The following ASXL3 variants were observed in gnomAD, a reference collection of about 807,000 sequenced individuals.
ASXL3 encodes the protein putative Polycomb group protein ASXL3.
A neutral mutation model predicts 170.6 loss-of-function variants in ASXL3; 34 were observed. The observed-to-expected ratio is 0.20, with a 90% CI of 0.15 to 0.27. The LOEUF (loss-of-function observed/expected upper bound fraction) is 0.27. Ranked by LOEUF, ASXL3 falls within the 10% of genes least tolerant of loss-of-function variation. ASXL3 has a pLI of 1.00. For synonymous variants in ASXL3, 1,002 were observed against 989.1 expected, an observed-to-expected ratio of 1.01 and a Z score of -0.24; for missense variants, 2,592 against 2,695.3, an observed-to-expected ratio of 0.96 and a Z score of 0.85.
intron 2 of ASXL3, among the ~76,000 whole-genome samples, chr18:33,612,701 CAAT>C (rs1380268628): frequency 6.6e-6 from 1 of 151,992 alleles, no homozygotes; most frequent in Non-Finnish European, 1.5e-5. Context: ...TAGTGACAAA[CAAT>C]AAAATTTCTT....
chr18:33,662,829 GTTTT>G (rs938087361), intron 5 of ASXL3, among the ~76,000 whole-genome samples: 1 of 152,056 alleles, frequency 6.6e-6, no homozygotes, highest in East Asian at 1.9e-4. Flanking sequence ...CTAAAATAGA[GTTTT>G]TTTAAGTTCC....
At chr18:33,692,061 C>A (rs1014377702) in intron 8 of ASXL3, among the ~76,000 whole-genome samples, 1 of 152,192 alleles carries the variant, frequency 6.6e-6, no homozygotes, top group Non-Finnish European at 1.5e-5. Context: ...CAACTCCAAG[C>A]TTATGCTTTT....
intron 8 of ASXL3, among the ~76,000 whole-genome samples, chr18:33,692,214 G>A (rs1464410194): frequency 6.6e-6 from 1 of 152,134 alleles, no homozygotes; most frequent in East Asian, 1.9e-4. Flanking sequence ...TTTTAAAAAG[G>A]CTTCAAATGT....
chr18:33,580,174 C>G (rs2145085104), intron 1 of ASXL3, among the ~76,000 whole-genome samples: 1 of 152,272 alleles, frequency 6.6e-6, no homozygotes, highest in East Asian at 1.9e-4. Flanking sequence ...CGCTAAATCT[C>G]TCACTCTGTG....
chr18:33,596,068 C>G (rs577666771), intron 1 of ASXL3, among the ~76,000 whole-genome samples: 1 of 151,872 alleles, frequency 6.6e-6, no homozygotes, highest in Middle Eastern at 3.4e-3. Flanking sequence ...CCTACATGTG[C>G]TAGTTACTGG....
intron 1 of ASXL3, among the ~76,000 whole-genome samples, chr18:33,602,910 C>A (rs1663081022): frequency 6.6e-6 from 1 of 150,986 alleles, no homozygotes; most frequent in African/African-American, 2.4e-5. Flanking sequence ...GTTGTTATAA[C>A]CCCAAAATCG....
chr18:33,589,644 TCTC>T (rs2065061757), intron 1 of ASXL3, among the ~76,000 whole-genome samples: 1 of 152,180 alleles, frequency 6.6e-6, no homozygotes, highest in Non-Finnish European at 1.5e-5. Flanking sequence ...AAGTAAATAA[TCTC>T]CTTTATATGT....
At chr18:33,696,632 G>A (rs1054442340) in intron 8 of ASXL3, among the ~76,000 whole-genome samples, 1 of 152,078 alleles carries the variant, frequency 6.6e-6, no homozygotes, top group Non-Finnish European at 1.5e-5. Context: ...CTAGCTCTGA[G>A]TGAGGGGGGC....
At chr18:33,697,329 C>T (rs1418604130) in intron 8 of ASXL3, among the ~76,000 whole-genome samples, 1 of 152,076 alleles carries the variant, frequency 6.6e-6, no homozygotes, top group Non-Finnish European at 1.5e-5. Flanking sequence ...ATGAGATTGT[C>T]ATGAGTCCTG....
intron 8 of ASXL3, among the ~76,000 whole-genome samples, chr18:33,713,243 G>GTTTTTTTTTTTTTT (rs1568343444): frequency 3.7e-4 from 17 of 45,490 alleles, no homozygotes; most frequent in African/African-American, 1.0e-3. Context: ...TTTTTGTTTT[G>GTTTTTTTTTTTTTT]TTTTGTTTTT....
intron 7 of ASXL3, among the ~76,000 whole-genome samples, chr18:33,680,359 C>T (rs1357757135): frequency 6.6e-6 from 1 of 152,008 alleles, no homozygotes; most frequent in African/African-American, 2.4e-5. Context: ...TCTGTTGAGA[C>T]TCACTGGACA....
At position 33,678,373 on chromosome 18, in the gene ASXL3, G is replaced by C. The variant is rs547251285; in HGVS notation, c.716-5032G>C. Among the ~76,000 whole-genome samples, 41 of 152,294 alleles carry C rather than the reference G, an allele frequency of 2.7e-4. No homozygotes were observed. The South Asian group carries it at 7.0e-3, about 26-fold the overall frequency. On this transcript the variant is annotated intron_variant, in intron 7 of 11. Transcript: ENST00000269197. ...TCTATGTGAGTGTGTCTGCATCTCTGTGTGTGCACACTTCATGCATAATCC... is the reference window on the plus strand; with the variant it reads ...TCTATGTGAGTGTGTCTGCATCTCTCTGTGTGCACACTTCATGCATAATCC...
intron 7 of ASXL3, among the ~76,000 whole-genome samples, chr18:33,677,788 G>C (rs2066451593): frequency 6.6e-6 from 1 of 152,136 alleles, no homozygotes; most frequent in African/African-American, 2.4e-5. Flanking sequence ...TGAAGACTAC[G>C]TGGATTCATG....
Position 33,736,571 on chromosome 18 carries a change from T to C in ASXL3, c.1083-1916T>C, listed in dbSNP as rs1015432193. On this transcript the variant is annotated intron_variant, in intron 10 of 11. Coordinates refer to ENST00000269197, the MANE Select transcript of ASXL3 (RefSeq NM_030632.3). ...TCATTGCTGTACGCTTTTTCAAAAA[T>C]GTGTCTAAACATTCATACTAGTGTG... Among the ~76,000 whole-genome samples, 16 of 152,184 alleles carry C rather than the reference T, an allele frequency of 1.1e-4. 1 individual carries two copies. The highest frequency in any genetic ancestry group is 1.5e-5 in the Non-Finnish European group (1 of 68,028).
intron 4 of ASXL3, among the ~76,000 whole-genome samples, chr18:33,650,681 A>G (rs1156837279): frequency 1.2e-4 from 18 of 152,166 alleles, no homozygotes; most frequent in Admixed American, 9.8e-4. Flanking sequence ...CACTTCACCA[A>G]ATAACACATA....
intron 8 of ASXL3, among the ~76,000 whole-genome samples, chr18:33,698,200 C>A (rs2066806152): frequency 6.6e-6 from 1 of 152,066 alleles, no homozygotes; most frequent in Non-Finnish European, 1.5e-5. Context: ...TTTCAGAGGC[C>A]TGCCTGGACT....
chr18:33,719,626 C>T (rs918490076), intron 8 of ASXL3, among the ~76,000 whole-genome samples: 1 of 151,926 alleles, frequency 6.6e-6, no homozygotes, highest in African/African-American at 2.4e-5. Context: ...ATGTTGAAAT[C>T]CTAACTCCCA....
intron 1 of ASXL3, among the ~76,000 whole-genome samples, chr18:33,591,301 G>C (rs1489593413): frequency 1.3e-5 from 2 of 151,916 alleles, no homozygotes; most frequent in Non-Finnish European, 2.9e-5. Context: ...TACTTTTTCA[G>C]CTTGGAAAGT....
In ASXL3 at chr18:33,728,806, T is replaced by C. The variant is rs528907126; in HGVS notation, c.880-3162T>C. Among the ~76,000 whole-genome samples, 5 of 152,320 alleles carry C rather than the reference T, an allele frequency of 3.3e-5. No individual in the cohort carries two copies. In the South Asian group the frequency reaches 1.0e-3, roughly 32 times the overall value. On this transcript the variant is annotated intron_variant, in intron 8 of 11. Transcript: ENST00000269197. ...AGCAATGTCTCAGTTTCATTTTTCC[T>C]TCTCTCTTCTGTTACACAGCTACCA...
Sources: gnomAD v4.1 joint callset for allele counts (sites outside exome capture counted in the v4.1 genomes callset) on GRCh38, gnomAD v4.1.1 for gene constraint, MANE v1.5 for transcripts, NCBI Gene and HGNC (gene_info 2026-07-23, HGNC 2026-07-21) for gene names.